The following KCNAB2 variants were observed in gnomAD, a reference collection of about 807,000 sequenced individuals.
The protein encoded by KCNAB2 is potassium voltage-gated channel subfamily A regulatory beta subunit 2.
Under a neutral mutation model 63.6 loss-of-function variants are expected in KCNAB2, and 29 were observed. The ratio of observed to expected loss-of-function variants is 0.46; its 90% confidence interval spans 0.34 to 0.62. The LOEUF (loss-of-function observed/expected upper bound fraction) is 0.62, where lower values mean the gene tolerates loss of function less well. Ranked by LOEUF, KCNAB2 falls within the 20% of genes least tolerant of loss-of-function variation. The pLI, the probability that KCNAB2 is intolerant of heterozygous loss-of-function variation, is 0.01. For missense variants in KCNAB2, 359 were observed against 563.9 expected (o/e 0.64, Z 3.68); for synonymous variants, 222 against 224.2 (o/e 0.99, Z 0.09).
upstream of KCNAB2, among the ~76,000 whole-genome samples, chr1:6,042,093 C>T (rs556684113): frequency 4.6e-5 from 7 of 152,068 alleles, 1 homozygote; most frequent in South Asian, 1.5e-3. Context: ...TGTTGGTCTG[C>T]CAGAAGTTTG....
intron 10 of KCNAB2, among the ~76,000 whole-genome samples, chr1:6,092,546 C>T (rs1665276524): frequency 6.6e-6 from 1 of 152,236 alleles, no homozygotes; most frequent in Non-Finnish European, 1.5e-5. Flanking sequence ...TGAGAAGAAT[C>T]GGGAACTGAT....
intron 2 of KCNAB2, among the ~76,000 whole-genome samples, chr1:6,054,938 G>T (rs987357243): frequency 6.6e-6 from 1 of 152,184 alleles, no homozygotes; most frequent in Non-Finnish European, 1.5e-5. Flanking sequence ...TTACTTGGGC[G>T]TGGAAAGTTG....
chr1:6,092,794 G>A (rs1302595955), intron 10 of KCNAB2, among the ~76,000 whole-genome samples: 7 of 152,214 alleles, frequency 4.6e-5, no homozygotes, highest in Non-Finnish European at 1.0e-4. Flanking sequence ...CCCCCAGGAG[G>A]GGACAGAGAG....
At chr1:6,022,963 A>G (rs1475132239) in intron 1 of KCNAB2, among the ~76,000 whole-genome samples, 3 of 140,188 alleles carry the variant, frequency 2.1e-5, no homozygotes, top group African/African-American at 8.0e-5. Flanking sequence ...GCTCACTGCA[A>G]CCCCTGCCTC....
Position 6,003,932 on chromosome 1 carries a change from C to G in KCNAB2, c.-53+11144C>G, listed in dbSNP as rs748059518. Among the ~76,000 whole-genome samples the G allele has an allele frequency of 1.3e-5, 2 of 152,172 alleles. No homozygotes were observed. Among genetic ancestry groups the G allele is most frequent in the African/African-American group, 2.4e-5 (1 of 41,420 alleles). ...GTAAAGCTGCCTTTCAAATTGCTGC[C>G]GCAGCGCTGCCTGGCAAGATGTTAA... On this transcript the variant is annotated intron_variant, in intron 1 of 16. Transcript: ENST00000341524. The surrounding 1 kb of genome is among the most constrained non-coding windows in gnomAD (Gnocchi z 4.1).
At chr1:6,043,529 G>T (rs904833950), upstream of KCNAB2, among the ~76,000 whole-genome samples, 3 of 152,204 alleles carry the variant, frequency 2.0e-5, no homozygotes, top group African/African-American at 7.2e-5. Flanking sequence ...GTGCCCACAG[G>T]CTCTGGCCAT....
chr1:6,068,685 G>T (rs550900174), intron 2 of KCNAB2, among the ~76,000 whole-genome samples: 4 of 152,156 alleles, frequency 2.6e-5, no homozygotes, highest in African/African-American at 9.7e-5. Context: ...CGGTACCTGC[G>T]TCATGAGTTG....
In KCNAB2 at chr1:6,024,086, C is replaced by T. The variant is rs1452353499; in HGVS notation, c.-52-16431C>T. 2.0e-5 allele frequency among the ~76,000 whole-genome samples: 3 copies of T among 152,068 alleles called. No homozygotes were observed. Among genetic ancestry groups the T allele is most frequent in the Non-Finnish European group, 4.4e-5 (3 of 68,008 alleles). On this transcript the variant is annotated intron_variant, in intron 1 of 16. Coordinates refer to the KCNAB2 transcript ENST00000341524. The surrounding 1 kb of genome is among the most constrained non-coding windows in gnomAD (Gnocchi z 5.4). ...CCTTCCGAGTAGCTGGGATTACAGG[C>T]GCCCACCACCATGTCCAGCTAATTT...
intron 2 of KCNAB2, among the ~76,000 whole-genome samples, chr1:6,056,709 TGGACG>T (rs1351302848): frequency 3.3e-5 from 5 of 152,228 alleles, no homozygotes; most frequent in Non-Finnish European, 7.3e-5. Flanking sequence ...CAGGAGGCTC[TGGACG>T]CCGCCCCTTC....
chr1:6,013,111 T>G (rs1375520633), intron 1 of KCNAB2, among the ~76,000 whole-genome samples: 2 of 152,140 alleles, frequency 1.3e-5, no homozygotes, highest in African/African-American at 4.8e-5. Flanking sequence ...GCATCTGTGT[T>G]ATCTATAAGC....
Position 6,085,732 on chromosome 1 carries a change from G to A in KCNAB2, c.425+484G>A, listed in dbSNP as rs972397509. 30 of 680,298 alleles carry A rather than the reference G, an allele frequency of 4.4e-5. No homozygotes were observed. In the Admixed American group the frequency reaches 1.5e-3, roughly 35 times the overall value. The allele number at this position is 680,298 out of a possible 1,614,324, so 42.1% of individuals were successfully genotyped here. A position where few individuals can be genotyped will look rare whatever the true frequency, so the allele number is the denominator to read the frequency against. ...GGGGTTGGATCCCACCCTGCACCTT[G>A]TCCACAGGATCTTCGCGGCGTCTCA... On this transcript the variant is annotated intron_variant, in intron 6 of 15. Coordinates refer to ENST00000378083, the MANE Select transcript of KCNAB2 (RefSeq NM_001199862.2).
intron 1 of KCNAB2, among the ~76,000 whole-genome samples, chr1:6,049,563 G>A (rs1190246229): frequency 6.6e-6 from 1 of 152,222 alleles, no homozygotes; most frequent in Non-Finnish European, 1.5e-5. Context: ...CAGCACAGCA[G>A]GCTCCCCAAG....
intron 5 of KCNAB2, among the ~76,000 whole-genome samples, chr1:6,084,745 G>C (rs1359131544): frequency 6.6e-6 from 1 of 151,612 alleles, no homozygotes; most frequent in Non-Finnish European, 1.5e-5. Context: ...GAACCCAGGA[G>C]GCAGAGGTTG....
intron 15 of KCNAB2, 52 bp downstream of exon 15, chr1:6,097,409 G>A (rs776581418): frequency 2.9e-5 from 45 of 1,548,416 alleles, no homozygotes; most frequent in Admixed American, 5.9e-5. Flanking sequence ...CCCGAGCCCC[G>A]TCCAGTGCAT....
rs137926813 is a variant in KCNAB2, at chr1:5,998,983, G to T, written c.-53+6195G>T. Among the ~76,000 whole-genome samples, 777 of 152,356 alleles carry T rather than the reference G, an allele frequency of 5.1e-3. 10 individuals carry two copies. Among genetic ancestry groups the T allele is most frequent in the African/African-American group, 0.018 (738 of 41,578 alleles). ...GAGGAAAAGGAAGGTGAGGGCACAG[G>T]GTGGCTCCGGGGCTGGCGGGCGTAG... On this transcript the variant is annotated intron_variant, in intron 1 of 16. Transcript: ENST00000341524.
At chr1:6,093,343 C>T (rs1665346985) in intron 10 of KCNAB2, among the ~76,000 whole-genome samples, 1 of 152,240 alleles carries the variant, frequency 6.6e-6, no homozygotes, top group African/African-American at 2.4e-5. Flanking sequence ...CATAGTCCCT[C>T]GCCCTGCAAA....
intron 1 of KCNAB2, among the ~76,000 whole-genome samples, chr1:6,017,440 ATT>A (rs1658574982): frequency 7.8e-6 from 1 of 127,618 alleles, no homozygotes; most frequent in Non-Finnish European, 1.6e-5. Flanking sequence ...GTGTGTGTGT[ATT>A]TTTAGTAGAG....
chr1:6,026,294 G>A (rs1004613108), intron 1 of KCNAB2: 4 of 152,302 alleles, frequency 2.6e-5, no homozygotes, highest in Non-Finnish European at 5.9e-5. Context: ...TCAGCCCTGC[G>A]GCGGCAGTGC....
Position 6,097,311 on chromosome 1 carries a change from G to T in KCNAB2, c.1112G>T (p.Gly371Val). 6.4e-7 allele frequency: 1 copy of T among 1,552,496 alleles called. No homozygotes were observed. The highest frequency in any genetic ancestry group is 8.7e-7 in the Non-Finnish European group (1 of 1,147,372). Residue 371 changes from glycine (G) to valine (V), a missense_variant, in exon 15 of 16, where the codon GGG (glycine) becomes GTG (valine). Gly to Val is a moderately radical substitution (Grantham distance 109, BLOSUM62 -3). Coordinates refer to ENST00000378083, the MANE Select transcript of KCNAB2 (RefSeq NM_001199862.2). ...GAGGGAGTCAGCTCCGTGCTCCTGG[G>T]GGCCTCCAATGCGGACCAGCTCATG... The part of the protein sequence containing the change: ...RNEGVSSVLL[G>V]ASNADQLMEN...
Sources: allele counts gnomAD v4.1 joint callset (sites outside exome capture counted in the v4.1 genomes callset), GRCh38; gene constraint gnomAD v4.1.1; non-coding constraint Gnocchi (gnomAD v3.1); transcripts MANE v1.5; gene names NCBI Gene and HGNC (gene_info 2026-07-23, HGNC 2026-07-21).